The following NUBP1 variants were observed in gnomAD, a reference collection of about 807,000 sequenced individuals.
NUBP1 encodes the protein cytosolic Fe-S cluster assembly factor NUBP1.
In NUBP1, 46 loss-of-function variants were observed where a neutral mutation model predicts 41.8. The ratio of observed to expected loss-of-function variants is 1.10; its 90% CI spans 0.87 to 1.41. The LOEUF is 1.41. Ranked by LOEUF, NUBP1 falls within the 40% of genes most tolerant of loss-of-function variation. NUBP1 has a pLI of 0.00. For missense variants in NUBP1, 494 were observed against 414.0 expected (o/e 1.19, Z -1.68); for synonymous variants, 189 against 154.6 (o/e 1.22, Z -1.65).
chr16:10,755,615 A>G (rs1289883850), intron 4 of NUBP1, 106 bp from the exon 5 acceptor site: 14 of 1,188,762 alleles, frequency 1.2e-5, no homozygotes, highest in South Asian at 8.9e-5. Flanking sequence ...ACAATGAATT[A>G]TATTTTAAAA....
At chr16:10,764,739 C>T (rs2030603465) in intron 9 of NUBP1, among the ~76,000 whole-genome samples, 1 of 150,702 alleles carries the variant, frequency 6.6e-6, no homozygotes, top group African/African-American at 2.4e-5. Flanking sequence ...GTTGGAGCAT[C>T]TCAGTCTGCT....
At position 10,765,755 on chromosome 16, in the gene NUBP1, G is replaced by C. The variant is rs17684734; in HGVS notation, c.821-2194G>C. Among the ~76,000 whole-genome samples, 40,604 of 152,136 alleles carry C rather than the reference G, an allele frequency of 0.27. 5,651 individuals are homozygous for C. The highest frequency in any genetic ancestry group is 0.35 in the South Asian group (1,708 of 4,818). ...TCACAAAGAAACAAAGTTCCAGGTG[G>C]TTCACAAGAGCTAATTTCAAAGCAG... On this transcript the variant is annotated intron_variant, in intron 9 of 10. Transcript: ENST00000283027. This position sits in a 1 kb window ranked among gnomAD's most constrained non-coding sequence, Gnocchi z 4.0.
At position 10,757,778 on chromosome 16, in the gene NUBP1, C is replaced by T; in HGVS notation, c.452-95C>T. On this transcript the variant is annotated intron_variant, in intron 6 of 10. Transcript: ENST00000283027. This position sits in a 1 kb window ranked among gnomAD's most constrained non-coding sequence, Gnocchi z 4.1. ...CAGAGTTAAGAGCCAACCTGGGCAA[C>T]ATAGCAAGACCCCATCCTTTAAAAA... 1 of 1,489,306 alleles carries T rather than the reference C, an allele frequency of 6.7e-7. No individual in the cohort carries two copies. Among genetic ancestry groups the T allele is most frequent in the Non-Finnish European group, 9.1e-7 (1 of 1,098,110 alleles). 92.3% of individuals were successfully genotyped at this position (1,489,306 alleles called of 1,614,324 possible).
intron 4 of NUBP1, among the ~76,000 whole-genome samples, chr16:10,754,534 T>G (rs1256690397): frequency 6.6e-6 from 1 of 152,056 alleles, no homozygotes; most frequent in Non-Finnish European, 1.5e-5. Flanking sequence ...TGAGCCACTG[T>G]GCCTGGCTGG....
chr16:10,761,885 A>G, intron 9 of NUBP1, 26 bp downstream of exon 9: 1 of 1,560,184 alleles, frequency 6.4e-7, no homozygotes, highest in Non-Finnish European at 8.8e-7. Context: ...GTGGGGCGGC[A>G]CCTCACTCCT....
At chr16:10,762,852 G>A (rs1040336547) in intron 9 of NUBP1, among the ~76,000 whole-genome samples, 2 of 152,132 alleles carry the variant, frequency 1.3e-5, no homozygotes, top group African/African-American at 2.4e-5. Flanking sequence ...GCCTGGAGGC[G>A]GGGAGGGCGG....
At chr16:10,762,883 G>A (rs1464054045) in intron 9 of NUBP1, among the ~76,000 whole-genome samples, 1 of 147,980 alleles carries the variant, frequency 6.8e-6, no homozygotes, top group Admixed American at 6.7e-5. Context: ...GGGAGCCTTG[G>A]GGAAGGGCTG....
intron 3 of NUBP1, among the ~76,000 whole-genome samples, chr16:10,751,010 A>G (rs1026972365): frequency 6.6e-6 from 1 of 152,186 alleles, no homozygotes; most frequent in African/African-American, 2.4e-5. Flanking sequence ...TGGGGTAGTA[A>G]TAAGATCAAC....
chr16:10,767,461 T>C lies in NUBP1; in HGVS notation c.821-488T>C. 1 of 395,544 alleles carries C rather than the reference T, an allele frequency of 2.5e-6. No individual in the cohort carries two copies. The highest frequency in any genetic ancestry group is 4.4e-6 in the Non-Finnish European group (1 of 225,284). The allele number at this position is 395,544 out of a possible 1,614,324, so 24.5% of individuals were successfully genotyped here. A position where few individuals can be genotyped will look rare whatever the true frequency, so the allele number is the denominator to read the frequency against. On this transcript the variant is annotated intron_variant, in intron 9 of 10. Transcript: ENST00000283027. This position sits in a 1 kb window ranked among gnomAD's most constrained non-coding sequence, Gnocchi z 4.6. The stretch of plus-strand genomic sequence containing the variant: ...TGTGCTCCCATTCGTATTTTAGGTA[T>C]ATGAGAGTGTGTGTATGTGTGTGCG...
At chr16:10,752,063 C>T (rs1596453017) in intron 3 of NUBP1, among the ~76,000 whole-genome samples, 1 of 152,336 alleles carries the variant, frequency 6.6e-6, no homozygotes, top group African/African-American at 2.4e-5. Flanking sequence ...CCACTGCACC[C>T]AGCCCCCAAT....
intron 3 of NUBP1, among the ~76,000 whole-genome samples, chr16:10,750,788 A>G (rs1420077031): frequency 1.3e-5 from 2 of 151,884 alleles, no homozygotes; most frequent in African/African-American, 4.8e-5. Flanking sequence ...CTCTTCCCCT[A>G]CCCTCCTCAT....
chr16:10,769,250 G>C lies in NUBP1; in HGVS notation c.*145G>C, dbSNP rs1019106946. On this transcript the variant is annotated 3_prime_UTR_variant, in exon 11 of 11. Coordinates refer to ENST00000283027, the MANE Select transcript of NUBP1 (RefSeq NM_002484.4). Reference sequence around the variant, plus strand: ...TGTGGTCCGAAGCCACTTTCTCAGAGACACTTTAATCATTGAGTATTTGTA... The same window carrying C: ...TGTGGTCCGAAGCCACTTTCTCAGACACACTTTAATCATTGAGTATTTGTA... The C allele has an allele frequency of 3.7e-5, 24 of 642,628 alleles. 1 individual carries two copies. Among genetic ancestry groups the C allele is most frequent in the Non-Finnish European group, 6.1e-5 (22 of 360,612 alleles). 39.8% of individuals were successfully genotyped at this position (642,628 alleles called of 1,614,324 possible). A position where few individuals can be genotyped will look rare whatever the true frequency, so the allele number is the denominator to read the frequency against.
In NUBP1 at chr16:10,755,300, A is replaced by G. The variant is rs114446494; in HGVS notation, c.328-421A>G. On this transcript the variant is annotated intron_variant, in intron 4 of 10. Transcript: ENST00000283027. ...TTTGTGGCTGGAGCTGATTGGGGAC[A>G]GGTTCTGAATCAGCTGTTTCGTGAG... Among the ~76,000 whole-genome samples the G allele has an allele frequency of 3.8e-3, 585 of 152,312 alleles. 4 individuals are homozygous for G. The highest frequency in any genetic ancestry group is 0.014 in the African/African-American group (566 of 41,568).
At chr16:10,758,263 G>A (rs1200980946) in intron 7 of NUBP1, among the ~76,000 whole-genome samples, 1 of 152,190 alleles carries the variant, frequency 6.6e-6, no homozygotes, top group South Asian at 2.1e-4. Flanking sequence ...TTGAGCCCAC[G>A]AGTTCGGGAC....
At position 10,744,053 on chromosome 16, in the gene NUBP1, A is replaced by G. The variant is rs748563539; in HGVS notation, c.112A>G (p.Thr38Ala). ...QRLCASGAGA[T>A]PDTAIEEIKE... is the part of the protein sequence containing the mutation. The stretch of plus-strand genomic sequence containing the variant: ...GCTGTGCGCTTCTGGAGCGGGGGCC[A>G]CTCCGGACACGGGTGAGAAAAGGGC... The change falls in exon 2 of 11, where the codon ACT becomes GCT. Residue 38 changes from threonine to alanine, a missense_variant. By Grantham distance (58) the Thr-to-Ala change is moderately conservative. Transcript: ENST00000283027. The G allele has an allele frequency of 5.8e-5, 91 of 1,578,360 alleles. 1 individual carries two copies. Among genetic ancestry groups the G allele is most frequent in the Admixed American group, 2.3e-4 (12 of 51,334 alleles).
At position 10,765,428 on chromosome 16, in the gene NUBP1, G is replaced by C. The variant is rs752779330; in HGVS notation, c.821-2521G>C. On this transcript the variant is annotated intron_variant, in intron 9 of 10. Transcript: ENST00000283027. This position sits in a 1 kb window ranked among gnomAD's most constrained non-coding sequence, Gnocchi z 4.0. ...AGGCTGAGTTAGCAGGATCACTTGA[G>C]CCCAGGGAGGTTGAGGTTGCAGTGA... Among the ~76,000 whole-genome samples, 8 of 151,620 alleles carry C rather than the reference G, an allele frequency of 5.3e-5. No homozygotes were observed. Among genetic ancestry groups the C allele is most frequent in the Admixed American group, 1.3e-4 (2 of 15,208 alleles).
Position 10,766,409 on chromosome 16 carries a change from A to C in NUBP1, c.821-1540A>C, listed in dbSNP as rs1403239307. Among the ~76,000 whole-genome samples, 2 of 152,114 alleles carry C rather than the reference A, an allele frequency of 1.3e-5. No individual in the cohort carries two copies. The highest frequency in any genetic ancestry group is 3.9e-4 in the East Asian group (2 of 5,192). On this transcript the variant is annotated intron_variant, in intron 9 of 10. Coordinates refer to ENST00000283027, the MANE Select transcript of NUBP1 (RefSeq NM_002484.4). The surrounding 1 kb of genome is among the most constrained non-coding windows in gnomAD (Gnocchi z 4.8). ...GAGGTGGGAGCCCAGGGGGAAATGCAGTTAGGAAGGGAAAACACTAGAGCA... is the reference window on the plus strand; with the variant it reads ...GAGGTGGGAGCCCAGGGGGAAATGCCGTTAGGAAGGGAAAACACTAGAGCA...
rs771116449 is a variant in NUBP1, at chr16:10,768,055, A to C, written c.904+23A>C. 1 of 1,607,310 alleles carries C rather than the reference A, an allele frequency of 6.2e-7. No homozygotes were observed. The highest frequency in any genetic ancestry group is 1.3e-5 in the African/African-American group (1 of 74,794). Reference sequence around the variant, plus strand: ...AGAGTAAGTATTTCCATGAGTACTAAATGCAGATGCCTGTGGGGCAGGAAG... The same window carrying C: ...AGAGTAAGTATTTCCATGAGTACTACATGCAGATGCCTGTGGGGCAGGAAG... On this transcript the variant is annotated intron_variant, in intron 10 of 10. Coordinates refer to ENST00000283027, the MANE Select transcript of NUBP1 (RefSeq NM_002484.4). This position sits in a 1 kb window ranked among gnomAD's most constrained non-coding sequence, Gnocchi z 4.3.
At position 10,759,724 on chromosome 16, in the gene NUBP1, C is replaced by T. The variant is rs577113211; in HGVS notation, c.607-1640C>T. ...CCAGGAGACAGAGGTTGCAGTGAGCCGAGATCGCGCCACTGCACTCCAGCC... is the reference window on the plus strand; with the variant it reads ...CCAGGAGACAGAGGTTGCAGTGAGCTGAGATCGCGCCACTGCACTCCAGCC... On this transcript the variant is annotated intron_variant, in intron 7 of 10. Transcript: ENST00000283027. The surrounding 1 kb of genome is among the most constrained non-coding windows in gnomAD (Gnocchi z 4.7). Among the ~76,000 whole-genome samples, 11 of 152,168 alleles carry T rather than the reference C, an allele frequency of 7.2e-5. No individual in the cohort carries two copies. The highest frequency in any genetic ancestry group is 2.4e-4 in the African/African-American group (10 of 41,506).
Sources: gnomAD v4.1 joint callset for allele counts (sites outside exome capture counted in the v4.1 genomes callset) on GRCh38, gnomAD v4.1.1 for gene constraint, Gnocchi (gnomAD v3.1) non-coding constraint, MANE v1.5 for transcripts, NCBI Gene and HGNC (gene_info 2026-07-23, HGNC 2026-07-21) for gene names.